Variants in CSMD3 observed in about 807,000 individuals in gnomAD.
The protein encoded by CSMD3 is CUB and Sushi multiple domains 3, also known as CUB and sushi domain-containing protein 3.
In CSMD3, 177 loss-of-function variants were observed where a neutral mutation model predicts 435.2. The ratio of observed to expected loss-of-function variants is 0.41; its 90% CI spans 0.36 to 0.46. The LOEUF is 0.46. Ranked by LOEUF, CSMD3 falls within the 20% of genes least tolerant of loss-of-function variation. The probability of loss-of-function intolerance (pLI) is 0.34; values close to 1 mark genes in which losing one functional copy is unlikely to be tolerated. For synonymous variants in CSMD3, 1,656 were observed against 1,520.5 expected (o/e 1.09, Z -2.07); for missense variants, 4,265 against 4,504.6 (o/e 0.95, Z 1.52).
intron 1 of CSMD3, among the ~76,000 whole-genome samples, chr8:113,428,884 C>T (rs2094652866): frequency 6.6e-6 from 1 of 151,806 alleles, no homozygotes; most frequent in Non-Finnish European, 1.5e-5. Flanking sequence ...GGTATTTAAT[C>T]ATATTTTTTA....
chr8:113,035,832 A>G (rs1404181205), intron 5 of CSMD3, among the ~76,000 whole-genome samples: 12 of 151,978 alleles, frequency 7.9e-5, no homozygotes, highest in Admixed American at 7.9e-4. Flanking sequence ...TAGAGGAAAT[A>G]AACCTCAACT....
chr8:113,284,757 G>T (rs1028627683), intron 2 of CSMD3, among the ~76,000 whole-genome samples: 1 of 152,054 alleles, frequency 6.6e-6, no homozygotes, highest in East Asian at 1.9e-4. Flanking sequence ...TACTGGTTTT[G>T]ATATTTGTAA....
At chr8:113,149,067 A>C (rs1005191966) in intron 4 of CSMD3, among the ~76,000 whole-genome samples, 1 of 151,806 alleles carries the variant, frequency 6.6e-6, no homozygotes, top group South Asian at 2.1e-4. Context: ...TATGGAATCA[A>C]GATCAAAATC....
chr8:112,965,111 T>A (rs1337809749), intron 7 of CSMD3, among the ~76,000 whole-genome samples: 2 of 151,996 alleles, frequency 1.3e-5, no homozygotes, highest in African/African-American at 4.8e-5. Flanking sequence ...TTCTTCATAT[T>A]CCAAAAGGCA....
At chr8:112,940,181 C>T (rs1347725017) in intron 9 of CSMD3, among the ~76,000 whole-genome samples, 3 of 151,702 alleles carry the variant, frequency 2.0e-5, no homozygotes, top group Non-Finnish European at 4.4e-5. Flanking sequence ...ATACATTATA[C>T]AGTAGTGTTT....
At chr8:112,539,952 G>T (rs1826504547) in intron 27 of CSMD3, among the ~76,000 whole-genome samples, 1 of 151,990 alleles carries the variant, frequency 6.6e-6, no homozygotes, top group Non-Finnish European at 1.5e-5. Flanking sequence ...AATCAACAGA[G>T]TGAAGAGATA....
At chr8:112,345,839 T>C (rs1040306649) in intron 41 of CSMD3, among the ~76,000 whole-genome samples, 4 of 151,232 alleles carry the variant, frequency 2.6e-5, no homozygotes, top group Non-Finnish European at 5.9e-5. Flanking sequence ...TTTTTATTTG[T>C]CAATTAAAAA....
intron 13 of CSMD3, among the ~76,000 whole-genome samples, chr8:112,798,902 A>T (rs1206808980): frequency 6.6e-6 from 1 of 151,914 alleles, no homozygotes; most frequent in Non-Finnish European, 1.5e-5. Context: ...CATTTCAAGA[A>T]GTATGACGAG....
intron 27 of CSMD3, among the ~76,000 whole-genome samples, chr8:112,535,225 C>A (rs1186809001): frequency 6.6e-6 from 1 of 151,792 alleles, no homozygotes; most frequent in Admixed American, 6.6e-5. Flanking sequence ...AAGAGGAAGT[C>A]AAATTGTCCC....
rs980059791 is a variant in CSMD3 at position 112,469,268 on chromosome 8, G to T, written c.5395+3323C>A. 4.6e-5 allele frequency among the ~76,000 whole-genome samples: 7 copies of T among 151,776 alleles called. No individual in the cohort carries two copies. In the East Asian group the frequency reaches 9.7e-4, roughly 21 times the overall value. On this transcript the variant is annotated intron_variant, in intron 32 of 70. Transcript: ENST00000297405. The stretch of plus-strand genomic sequence containing the variant: ...ACTGTCATCTGTTCTTACATTGAAG[G>T]AATAAAAATGTTCTGTTAGACTATT...
At chr8:113,434,362 G>A (rs2094692478) in intron 1 of CSMD3, among the ~76,000 whole-genome samples, 1 of 152,174 alleles carries the variant, frequency 6.6e-6, no homozygotes, top group South Asian at 2.1e-4. Context: ...CATAGACATT[G>A]GGGCAAACAA....
rs189535073 is a variant in CSMD3 at position 112,590,056 on chromosome 8, G to T, written c.3716-2821C>A. Among the ~76,000 whole-genome samples, 72 of 152,214 alleles carry T rather than the reference G, an allele frequency of 4.7e-4. 1 individual carries two copies. The highest frequency in any genetic ancestry group is 3.4e-3 in the Middle Eastern group (1 of 294). On this transcript the variant is annotated intron_variant, in intron 22 of 70. Coordinates refer to ENST00000297405, the MANE Select transcript of CSMD3 (RefSeq NM_198123.2). ...TGTAATACAAACAATTTATTTGCTT[G>T]GTTGAGAATGTACTGTAAGATATTT...
chr8:113,408,891 C>A (rs2094545195), intron 1 of CSMD3, among the ~76,000 whole-genome samples: 1 of 152,064 alleles, frequency 6.6e-6, no homozygotes, highest in Admixed American at 6.6e-5. Flanking sequence ...TCTCGAACTC[C>A]TGACCTCAAA....
chr8:112,824,807 T>G (rs10094721), intron 12 of CSMD3, among the ~76,000 whole-genome samples: 2 of 152,132 alleles, frequency 1.3e-5, no homozygotes. Context: ...TTATGGAGTA[T>G]CTTAGTGGTG....
intron 35 of CSMD3, among the ~76,000 whole-genome samples, chr8:112,397,870 C>T (rs1038316109): frequency 2.6e-5 from 4 of 152,184 alleles, no homozygotes; most frequent in Admixed American, 2.0e-4. Flanking sequence ...CATTCCATCC[C>T]TATAGCCCCA....
intron 1 of CSMD3, among the ~76,000 whole-genome samples, chr8:113,391,351 A>G (rs2094460390): frequency 6.6e-6 from 1 of 151,982 alleles, no homozygotes; most frequent in Non-Finnish European, 1.5e-5. Flanking sequence ...AGAAAAGCAA[A>G]TCAAATATGT....
chr8:112,372,396 ATAT>A (rs1828483932), intron 38 of CSMD3, among the ~76,000 whole-genome samples: 2 of 152,186 alleles, frequency 1.3e-5, no homozygotes, highest in Admixed American at 1.3e-4. Context: ...ATATCTGGAA[ATAT>A]TAATAAGACC....
At chr8:112,934,805 T>C (rs1347480497) in intron 9 of CSMD3, among the ~76,000 whole-genome samples, 1 of 152,192 alleles carries the variant, frequency 6.6e-6, no homozygotes. Flanking sequence ...GCTAAAACTT[T>C]GCACGTCACT....
At chr8:113,297,942 A>G (rs111237639) in intron 2 of CSMD3, among the ~76,000 whole-genome samples, 9 of 152,214 alleles carry the variant, frequency 5.9e-5, no homozygotes, top group African/African-American at 2.2e-4. Flanking sequence ...GATGTGATTA[A>G]GCAGAAGAGA....
Sources: gnomAD v4.1 joint callset for allele counts (sites outside exome capture counted in the v4.1 genomes callset) on GRCh38, gnomAD v4.1.1 for gene constraint, MANE v1.5 for transcripts, NCBI Gene and HGNC (gene_info 2026-07-23, HGNC 2026-07-21) for gene names.